Variants in PCLO observed in about 807,000 individuals in gnomAD.
The protein encoded by PCLO is protein piccolo.
PCLO carries 82 observed loss-of-function variants against 427.5 expected under a neutral mutation model. That is an observed-to-expected ratio of 0.19 (90% confidence interval 0.16 to 0.23). The LOEUF is 0.23. Among genes scored for constraint, PCLO ranks in the 10% least tolerant of loss-of-function variants. The probability of loss-of-function intolerance (pLI) is 1.00; values close to 1 mark genes in which losing one functional copy is unlikely to be tolerated. For missense variants in PCLO, 6,239 were observed against 6,115.9 expected (o/e 1.02, Z -0.67); for synonymous variants, 2,357 against 2,155.4 (o/e 1.09, Z -2.59).
At chr7:82,966,606 G>A in intron 3 of PCLO, 119 bp from the exon 4 acceptor site, 1 of 510,588 alleles carries the variant, frequency 2.0e-6, no homozygotes, top group Non-Finnish European at 3.3e-6. Context: ...TGGAGAAGGT[G>A]GGTCACTGTT....
At chr7:82,870,333 C>G (rs1234734143) in intron 10 of PCLO, among the ~76,000 whole-genome samples, 2 of 150,794 alleles carry the variant, frequency 1.3e-5, no homozygotes, top group Non-Finnish European at 2.9e-5. Context: ...AGAATATACG[C>G]TGGCAAAAGG....
rs144718193 is a variant in PCLO, at chr7:82,930,243, G to A, written c.11113-13370C>T. On this transcript the variant is annotated intron_variant, in intron 6 of 24. Transcript: ENST00000333891. ...CAAATAAATGAAAACACAAGTACAC[G>A]TATGTCCCAGGACCTACAATGTCTA... 2.4e-4 allele frequency among the ~76,000 whole-genome samples: 36 copies of A among 152,178 alleles called. No homozygotes were observed. The East Asian group carries it at 5.4e-3, about 23-fold the overall frequency.
intron 22 of PCLO, among the ~76,000 whole-genome samples, chr7:82,793,000 T>G (rs1791138224): frequency 7.4e-6 from 1 of 135,970 alleles, no homozygotes; most frequent in Non-Finnish European, 1.6e-5. Context: ...CTTAAGTTAT[T>G]AATTGCTTTT....
chr7:82,802,155 G>T (rs1189217323), intron 21 of PCLO, among the ~76,000 whole-genome samples: 1 of 151,082 alleles, frequency 6.6e-6, no homozygotes, highest in Non-Finnish European at 1.5e-5. Flanking sequence ...CTCTGTTTCT[G>T]GCTTTGCTAT....
chr7:83,088,705 T>C (rs114251423), intron 3 of PCLO, among the ~76,000 whole-genome samples: 92 of 152,234 alleles, frequency 6.0e-4, no homozygotes, highest in African/African-American at 2.2e-3. Context: ...TTGGCCAGCA[T>C]GTTCAGCAGC....
At chr7:82,985,227 G>T (rs980384317) in intron 3 of PCLO, among the ~76,000 whole-genome samples, 5 of 152,014 alleles carry the variant, frequency 3.3e-5, no homozygotes, top group African/African-American at 1.2e-4. Flanking sequence ...CAGAGGTAGG[G>T]CAGACAAGGT....
At chr7:83,038,065 TTATATATTTATATATATATCTTTA>T (rs1788867516) in intron 3 of PCLO, among the ~76,000 whole-genome samples, 3 of 31,544 alleles carry the variant, frequency 9.5e-5, no homozygotes, top group African/African-American at 4.3e-4. Flanking sequence ...ATATATATAT[TTATATATTTATATATATATCTTTA>T]TATATATATA....
chr7:82,900,967 C>T (rs944875141), intron 9 of PCLO, among the ~76,000 whole-genome samples: 4 of 151,746 alleles, frequency 2.6e-5, no homozygotes, highest in Admixed American at 1.3e-4. Flanking sequence ...AGCATAAATT[C>T]ACAGTGTTCA....
rs115692920 is a variant in PCLO, at chr7:83,039,217, T to C, written c.3301-72730A>G. ...GATGTGAATCATTTAAGTTTTTAATTTTGATAAAGTCTAATTCATTTTTTC... is the reference window on the plus strand; with the variant it reads ...GATGTGAATCATTTAAGTTTTTAATCTTGATAAAGTCTAATTCATTTTTTC... On this transcript the variant is annotated intron_variant, in intron 3 of 24. Transcript: ENST00000333891. Among the ~76,000 whole-genome samples the C allele has an allele frequency of 9.2e-3, 1,406 of 152,136 alleles. 32 individuals carry two copies. The highest frequency in any genetic ancestry group is 0.031 in the African/African-American group (1,272 of 41,556).
intron 10 of PCLO, among the ~76,000 whole-genome samples, chr7:82,865,643 T>C (rs1029300090): frequency 2.6e-5 from 4 of 152,016 alleles, no homozygotes; most frequent in Non-Finnish European, 5.9e-5. Flanking sequence ...TATGCAGGGA[T>C]TTAAGTTTTT....
chr7:83,074,828 A>G (rs1789910331), intron 3 of PCLO, among the ~76,000 whole-genome samples: 1 of 152,192 alleles, frequency 6.6e-6, no homozygotes, highest in South Asian at 2.1e-4. Context: ...CCATTTGTGT[A>G]TTCACAGGAA....
chr7:82,892,558 A>G (rs1483687832), intron 9 of PCLO, among the ~76,000 whole-genome samples: 3 of 152,022 alleles, frequency 2.0e-5, no homozygotes, highest in Non-Finnish European at 1.5e-5. Context: ...AATGGCAACA[A>G]AAGCCAAAAT....
intron 18 of PCLO, among the ~76,000 whole-genome samples, chr7:82,826,196 A>C (rs1404508914): frequency 6.6e-6 from 1 of 151,930 alleles, no homozygotes; most frequent in East Asian, 1.9e-4. Context: ...TTTTCTCAGA[A>C]TACTTAATTA....
intron 22 of PCLO, among the ~76,000 whole-genome samples, chr7:82,762,575 T>TA (rs1366662218): frequency 6.6e-6 from 1 of 152,018 alleles, no homozygotes; most frequent in African/African-American, 2.4e-5. Context: ...CTACCAATAT[T>TA]AGAAATATAA....
intron 3 of PCLO, among the ~76,000 whole-genome samples, chr7:83,023,239 T>C (rs1276838398): frequency 6.6e-6 from 1 of 152,230 alleles, no homozygotes; most frequent in East Asian, 1.9e-4. Flanking sequence ...TTGCAGATCA[T>C]AATGTAAAAA....
chr7:83,079,463 A>G (rs1213469312), intron 3 of PCLO, among the ~76,000 whole-genome samples: 1 of 150,910 alleles, frequency 6.6e-6, no homozygotes, highest in Non-Finnish European at 1.5e-5. Flanking sequence ...AAGAAGAAGA[A>G]GAAGAAAAGA....
intron 10 of PCLO, among the ~76,000 whole-genome samples, chr7:82,860,637 T>C (rs1792928771): frequency 6.6e-6 from 1 of 152,042 alleles, no homozygotes; most frequent in African/African-American, 2.4e-5. Flanking sequence ...TCATTGGTAA[T>C]AGTATGTACA....
intron 3 of PCLO, among the ~76,000 whole-genome samples, chr7:83,073,827 TTAA>T (rs1461729012): frequency 2.0e-5 from 3 of 151,126 alleles, no homozygotes; most frequent in African/African-American, 4.8e-5. Flanking sequence ...ATATTTAATT[TTAA>T]TAATAAAAAT....
At chr7:83,157,406 C>T (rs1584100979) in intron 1 of PCLO, among the ~76,000 whole-genome samples, 1 of 152,028 alleles carries the variant, frequency 6.6e-6, no homozygotes, top group Non-Finnish European at 1.5e-5. Context: ...TACACTATCT[C>T]TTAATGCCAT....
Sources: gnomAD v4.1 joint callset for allele counts (sites outside exome capture counted in the v4.1 genomes callset) on GRCh38, gnomAD v4.1.1 for gene constraint, MANE v1.5 for transcripts, NCBI Gene and HGNC (gene_info 2026-07-23, HGNC 2026-07-21) for gene names.